Variants in HCN1 observed in about 807,000 individuals in gnomAD.
The protein encoded by HCN1 is potassium/sodium hyperpolarization-activated cyclic nucleotide-gated channel 1.
HCN1 carries 13 observed loss-of-function variants against 78.9 expected under a neutral mutation model. The ratio of observed to expected loss-of-function variants is 0.16; its 90% confidence interval spans 0.11 to 0.26. The LOEUF (loss-of-function observed/expected upper bound fraction) is 0.26. Ranked by LOEUF, HCN1 falls within the 10% of genes least tolerant of loss-of-function variation. The pLI is 1.00. For missense variants in HCN1, 810 were observed against 1,154.3 expected (o/e 0.70, Z 4.32); for synonymous variants, 552 against 455.5 (o/e 1.21, Z -2.70).
intron 2 of HCN1, among the ~76,000 whole-genome samples, chr5:45,499,859 T>A (rs1193951789): frequency 1.3e-5 from 2 of 152,206 alleles, no homozygotes. Context: ...TGTTTACTTT[T>A]AGCATCTATC....
intron 2 of HCN1, among the ~76,000 whole-genome samples, chr5:45,588,781 C>A (rs372429642): frequency 6.6e-6 from 1 of 152,082 alleles, no homozygotes; most frequent in Non-Finnish European, 1.5e-5. Flanking sequence ...CTAACAGTAA[C>A]GAATAAGAAT....
At chr5:45,494,266 T>A (rs1561175421) in intron 2 of HCN1, among the ~76,000 whole-genome samples, 1 of 151,990 alleles carries the variant, frequency 6.6e-6, no homozygotes, top group Non-Finnish European at 1.5e-5. Context: ...GCACCTGTTG[T>A]TTCCTGACTT....
intron 4 of HCN1, among the ~76,000 whole-genome samples, chr5:45,356,639 G>T (rs1471570849): frequency 6.6e-6 from 1 of 151,908 alleles, no homozygotes; most frequent in East Asian, 1.9e-4. Flanking sequence ...TGCTATAGCT[G>T]TGTCACTAGT....
At chr5:45,473,170 G>A (rs984831301) in intron 2 of HCN1, among the ~76,000 whole-genome samples, 18 of 151,578 alleles carry the variant, frequency 1.2e-4, no homozygotes, top group Non-Finnish European at 2.2e-4. Flanking sequence ...TATTCTTATG[G>A]TAATATTTTG....
chr5:45,392,674 T>G (rs1201115995), intron 4 of HCN1, among the ~76,000 whole-genome samples: 1 of 150,998 alleles, frequency 6.6e-6, no homozygotes, highest in Non-Finnish European at 1.5e-5. Context: ...CTGCCTCTAC[T>G]AAAAATACAA....
intron 4 of HCN1, among the ~76,000 whole-genome samples, chr5:45,389,299 T>G (rs1293131387): frequency 2.0e-5 from 3 of 152,148 alleles, no homozygotes; most frequent in Non-Finnish European, 4.4e-5. Flanking sequence ...TTCAGGTCTC[T>G]TCTCAAATAT....
At chr5:45,593,370 AC>A (rs546304789) in intron 2 of HCN1, among the ~76,000 whole-genome samples, 1 of 135,120 alleles carries the variant, frequency 7.4e-6, no homozygotes, top group Non-Finnish European at 1.6e-5. Flanking sequence ...ACACACACAC[AC>A]CCCACATGTA....
At chr5:45,616,156 T>A (rs1580000998) in intron 2 of HCN1, among the ~76,000 whole-genome samples, 2 of 151,776 alleles carry the variant, frequency 1.3e-5, no homozygotes, top group East Asian at 1.9e-4. Flanking sequence ...CATACACATT[T>A]TACATTTAAC....
intron 2 of HCN1, among the ~76,000 whole-genome samples, chr5:45,500,864 CAAGG>C (rs1742173720): frequency 6.6e-6 from 1 of 152,138 alleles, no homozygotes; most frequent in Non-Finnish European, 1.5e-5. Flanking sequence ...TAATTCTCAG[CAAGG>C]AAGTTTCTCC....
chr5:45,626,913 A>G (rs1561224859), intron 2 of HCN1, among the ~76,000 whole-genome samples: 1 of 152,028 alleles, frequency 6.6e-6, no homozygotes, highest in African/African-American at 2.4e-5. Flanking sequence ...TATGTGACAT[A>G]CATATGTATA....
intron 3 of HCN1, among the ~76,000 whole-genome samples, chr5:45,444,136 G>C (rs977275696): frequency 6.6e-6 from 1 of 152,050 alleles, no homozygotes; most frequent in African/African-American, 2.4e-5. Context: ...ACTTTTGGCA[G>C]GTTTTTATAA....
chr5:45,612,354 T>C (rs1744855317), intron 2 of HCN1, among the ~76,000 whole-genome samples: 1 of 152,220 alleles, frequency 6.6e-6, no homozygotes, highest in Admixed American at 6.6e-5. Flanking sequence ...TCCGACTTCA[T>C]AGGCACTAAG....
intron 1 of HCN1, among the ~76,000 whole-genome samples, chr5:45,658,021 A>G (rs1240618299): frequency 6.6e-6 from 1 of 152,236 alleles, no homozygotes; most frequent in Non-Finnish European, 1.5e-5. Flanking sequence ...CCAAAACAGC[A>G]TGGTACTGGT....
chr5:45,392,177 G>GT (rs1397157269), intron 4 of HCN1, among the ~76,000 whole-genome samples: 1 of 152,142 alleles, frequency 6.6e-6, no homozygotes, highest in Non-Finnish European at 1.5e-5. Context: ...ATAGCTTGAA[G>GT]ATAAGAGCAG....
intron 6 of HCN1, among the ~76,000 whole-genome samples, chr5:45,300,300 C>A (rs1195180583): frequency 6.6e-6 from 1 of 151,988 alleles, no homozygotes; most frequent in East Asian, 1.9e-4. Flanking sequence ...CACTACTTAA[C>A]ACAGGTTTGA....
intron 6 of HCN1, among the ~76,000 whole-genome samples, chr5:45,286,520 T>C (rs1204138575): frequency 1.3e-5 from 2 of 152,020 alleles, no homozygotes; most frequent in Non-Finnish European, 2.9e-5. Context: ...GCAATTAAGA[T>C]TTTAAAGGCT....
intron 2 of HCN1, among the ~76,000 whole-genome samples, chr5:45,640,468 T>G (rs1004621018): frequency 6.6e-6 from 1 of 152,020 alleles, no homozygotes; most frequent in Non-Finnish European, 1.5e-5. Flanking sequence ...CAAATTATCA[T>G]GAACAAATGC....
intron 4 of HCN1, among the ~76,000 whole-genome samples, chr5:45,370,310 T>C (rs1747326778): frequency 6.6e-6 from 1 of 152,124 alleles, no homozygotes; most frequent in East Asian, 1.9e-4. Flanking sequence ...ACTGAAAAAC[T>C]TGATTTATAG....
chr5:45,681,555 A>T (rs1320500698), intron 1 of HCN1, among the ~76,000 whole-genome samples: 1 of 152,066 alleles, frequency 6.6e-6, no homozygotes, highest in Non-Finnish European at 1.5e-5. Context: ...GGTAAACACG[A>T]TAAAAAAAAA....
Sources: allele counts gnomAD v4.1 joint callset (sites outside exome capture counted in the v4.1 genomes callset), GRCh38; gene constraint gnomAD v4.1.1; transcripts MANE v1.5; gene names NCBI Gene and HGNC (gene_info 2026-07-23, HGNC 2026-07-21).